The following SLC51B variants were observed in gnomAD, a reference collection of about 807,000 sequenced individuals.
SLC51B encodes the protein SLC51 subunit beta, also known as organic solute transporter subunit beta.
Under a neutral mutation model 8.0 loss-of-function variants are expected in SLC51B, and 6 were observed. The observed-to-expected ratio is 0.75, with a 90% confidence interval of 0.41 to 1.48. The LOEUF (loss-of-function observed/expected upper bound fraction) is 1.48, where lower values mean the gene tolerates loss of function less well. Ranked by LOEUF, SLC51B falls within the 40% of genes most tolerant of loss-of-function variation. The pLI, the probability that SLC51B is intolerant of heterozygous loss-of-function variation, is 0.01. For missense variants in SLC51B, 150 were observed against 149.7 expected, an observed-to-expected ratio of 1.00 and a Z score of -0.01; for synonymous variants, 61 against 54.8, an observed-to-expected ratio of 1.11 and a Z score of -0.50.
At chr15:65,046,620 A>C (rs774588796) in intron 1 of SLC51B, among the ~76,000 whole-genome samples, 2 of 152,158 alleles carry the variant, frequency 1.3e-5, no homozygotes, top group Non-Finnish European at 2.9e-5. Flanking sequence ...AACATATTTT[A>C]AACATATTTT....
At chr15:65,050,879 CTG>C (rs1318343074) in intron 2 of SLC51B, among the ~76,000 whole-genome samples, 3 of 121,956 alleles carry the variant, frequency 2.5e-5, no homozygotes, top group Admixed American at 1.1e-4. Context: ...CAGGGTCACT[CTG>C]TTGCCCAGGC....
At position 65,051,566 on chromosome 15, in the gene SLC51B, T is replaced by C. The variant is rs140434847; in HGVS notation, c.149T>C (p.Ile50Thr). 45 of 1,613,626 alleles carry C rather than the reference T, an allele frequency of 2.8e-5. No individual in the cohort carries two copies. Among genetic ancestry groups the C allele is most frequent in the Non-Finnish European group, 3.7e-5 (44 of 1,179,832 alleles). ...GCCCTGGCAGCTGTGGTGGTCATTA[T>C]AAGCATGGTCCTCCTGGGAAGAAGC... ...ILALAAVVVI[I>T]SMVLLGRSIQ... The change falls in exon 3 of 4, where the codon ATA (isoleucine) becomes ACA (threonine). Residue 50 changes from isoleucine to threonine, a missense_variant. Physicochemically the swap from Ile to Thr is moderately conservative, Grantham distance 89 (BLOSUM62 -1). Transcript: ENST00000334287.
chr15:65,050,073 G>C lies in SLC51B; in HGVS notation c.69G>C (p.Glu23Asp). The C allele has an allele frequency of 1.9e-6, 3 of 1,551,744 alleles. No individual in the cohort carries two copies. The highest frequency in any genetic ancestry group is 2.6e-6 in the Non-Finnish European group (3 of 1,146,964). The change falls in exon 2 of 4, where the codon GAG (glutamate) becomes GAC (aspartate). Residue 23 changes from glutamate to aspartate, a missense_variant. Glu to Asp is a conservative substitution (Grantham distance 45, BLOSUM62 2). Transcript: ENST00000334287. ...GTVVPQELLE[E>D]MLWFFRVEDA... ...TGGTACCCCAGGAGCTGCTGGAAGA[G>C]ATGCTTTGGTTTTTTCGTGTGGAAG...
intron 1 of SLC51B, among the ~76,000 whole-genome samples, chr15:65,048,860 T>G (rs2086609372): frequency 6.6e-6 from 1 of 151,802 alleles, no homozygotes; most frequent in Non-Finnish European, 1.5e-5. Flanking sequence ...AATACAAAAA[T>G]TAGTGGGGCG....
intron 3 of SLC51B, 57 bp downstream of exon 3, chr15:65,051,662 TC>T: frequency 6.5e-7 from 1 of 1,534,312 alleles, no homozygotes; most frequent in Non-Finnish European, 9.0e-7. Flanking sequence ...GGCCCTGCCT[TC>T]CCAGAGGGAA....
At chr15:65,050,271 C>T (rs1290374455) in intron 2 of SLC51B, among the ~76,000 whole-genome samples, 170 bp downstream of exon 2, 1 of 152,192 alleles carries the variant, frequency 6.6e-6, no homozygotes, top group Non-Finnish European at 1.5e-5. Flanking sequence ...GGCTGGACCG[C>T]CCCTTCCTTT....
In SLC51B at chr15:65,051,661, T is replaced by C. The variant is rs2086654877; in HGVS notation, c.188+56T>C. 27 of 1,537,822 alleles carry C rather than the reference T, an allele frequency of 1.8e-5. No individual in the cohort carries two copies. In the South Asian group the frequency reaches 2.7e-4, roughly 15 times the overall value. On this transcript the variant is annotated intron_variant, in intron 3 of 3. Transcript: ENST00000334287. ...GTCTCTGTGGGGTAGAGGCCCTGCCTTCCCAGAGGGAAATCTAGAGAGGGG... is the reference window on the plus strand; with the variant it reads ...GTCTCTGTGGGGTAGAGGCCCTGCCCTCCCAGAGGGAAATCTAGAGAGGGG...
chr15:65,051,561 C>A lies in SLC51B; in HGVS notation c.144C>A (p.Val48=). 1 of 1,613,698 alleles carries A rather than the reference C, an allele frequency of 6.2e-7. No individual in the cohort carries two copies. The highest frequency in any genetic ancestry group is 1.1e-5 in the South Asian group (1 of 91,006). The change falls in exon 3 of 4, where the codon GTC becomes GTA. Residue 48 remains valine, a synonymous_variant. Transcript: ENST00000334287. ...HSILALAAVV[V]IISMVLLGRS... ...TCCTTGCCCTGGCAGCTGTGGTGGT[C>A]ATTATAAGCATGGTCCTCCTGGGAA...
At chr15:65,046,019 G>T (rs183980149) in intron 1 of SLC51B, among the ~76,000 whole-genome samples, 4 of 152,106 alleles carry the variant, frequency 2.6e-5, no homozygotes, top group Non-Finnish European at 5.9e-5. Context: ...TACAAAATTG[G>T]CCGGGTGCGG....
intron 2 of SLC51B, 79 bp from the exon 3 acceptor site, chr15:65,051,436 A>G (rs1406931651): frequency 5.8e-6 from 8 of 1,371,398 alleles, no homozygotes; most frequent in Non-Finnish European, 8.3e-6. Flanking sequence ...GCTGGGTCTG[A>G]GCCCAGGCCC....
chr15:65,050,224 G>A (rs1310023948), intron 2 of SLC51B, 123 bp downstream of exon 2: 7 of 760,302 alleles, frequency 9.2e-6, no homozygotes, highest in Non-Finnish European at 1.5e-5. Flanking sequence ...TCCAAGACAG[G>A]GAATCAGTCG....
intron 1 of SLC51B, among the ~76,000 whole-genome samples, chr15:65,047,349 A>C (rs1010869077): frequency 2.0e-5 from 3 of 152,112 alleles, no homozygotes; most frequent in Non-Finnish European, 4.4e-5. Context: ...AAAAAAAAAA[A>C]CATACATACA....
intron 3 of SLC51B, 59 bp downstream of exon 3, chr15:65,051,664 C>A: frequency 6.5e-7 from 1 of 1,529,102 alleles, no homozygotes; most frequent in East Asian, 2.3e-5. Context: ...CCCTGCCTTC[C>A]CAGAGGGAAA....
chr15:65,050,113 G>T lies in SLC51B; in HGVS notation c.97+12G>T. 6.5e-7 allele frequency: 1 copy of T among 1,549,776 alleles called. No homozygotes were observed. The highest frequency in any genetic ancestry group is 8.7e-7 in the Non-Finnish European group (1 of 1,145,438). On this transcript the variant is annotated intron_variant, in intron 2 of 3. Transcript: ENST00000334287. ...TCGTGTGGAAGATGGTAAGTGGTGA[G>T]AGATTGACGGCAGGGGTGGGGGTGT...
chr15:65,053,316 T>G lies in SLC51B; in HGVS notation c.*152T>G. On this transcript the variant is annotated 3_prime_UTR_variant, in exon 4 of 4. Coordinates refer to ENST00000334287, the MANE Select transcript of SLC51B (RefSeq NM_178859.4). The stretch of plus-strand genomic sequence containing the variant: ...TTTTTTTCTTAGCAGATACAATGAA[T>G]GAACTGCAAGCAAACTAAAATTCTG... 1 of 1,424,222 alleles carries G rather than the reference T, an allele frequency of 7.0e-7. No homozygotes were observed. Among genetic ancestry groups the G allele is most frequent in the Non-Finnish European group, 9.1e-7 (1 of 1,095,524 alleles). 88.2% of individuals were successfully genotyped at this position (1,424,222 alleles called of 1,614,324 possible).
intron 1 of SLC51B, 137 bp from the exon 2 acceptor site, chr15:65,049,760 C>T: frequency 2.5e-6 from 1 of 402,340 alleles, no homozygotes; most frequent in Non-Finnish European, 4.5e-6. Flanking sequence ...CTCTGCCCCT[C>T]CAGGCTCCAC....
chr15:65,046,349 A>T (rs2086577110), intron 1 of SLC51B, among the ~76,000 whole-genome samples: 1 of 152,096 alleles, frequency 6.6e-6, no homozygotes, highest in Non-Finnish European at 1.5e-5. Flanking sequence ...GGATGCCTAT[A>T]ATCACAGCTA....
Position 65,049,946 on chromosome 15 carries a change from G to A in SLC51B, c.-59G>A. ...GGGGCCAGAACCGAGGAGGCCAGGA[G>A]GGCTGCTGGGGCTAAGGGGTCTAAG... On this transcript the variant is annotated 5_prime_UTR_variant, in exon 2 of 4. Coordinates refer to ENST00000334287, the MANE Select transcript of SLC51B (RefSeq NM_178859.4). The A allele has an allele frequency of 3.6e-6, 5 of 1,386,064 alleles. No homozygotes were observed. The highest frequency in any genetic ancestry group is 4.9e-6 in the Non-Finnish European group (5 of 1,010,478). The allele number at this position is 1,386,064 out of a possible 1,614,324, so 85.9% of individuals were successfully genotyped here.
rs1038791104 is a variant in SLC51B, at chr15:65,053,295, T to C, written c.*131T>C. The C allele has an allele frequency of 2.1e-6, 3 of 1,433,238 alleles. No homozygotes were observed. The highest frequency in any genetic ancestry group is 2.7e-6 in the Non-Finnish European group (3 of 1,099,292). The allele number at this position is 1,433,238 out of a possible 1,614,324, so 88.8% of individuals were successfully genotyped here. ...TTCTTTTTCTTTCTTTCTTTTTTTT[T>C]TTCTTAGCAGATACAATGAATGAAC... On this transcript the variant is annotated 3_prime_UTR_variant, in exon 4 of 4. Coordinates refer to ENST00000334287, the MANE Select transcript of SLC51B (RefSeq NM_178859.4).
Sources: allele counts gnomAD v4.1 joint callset (sites outside exome capture counted in the v4.1 genomes callset), GRCh38; gene constraint gnomAD v4.1.1; transcripts MANE v1.5; gene names NCBI Gene and HGNC (gene_info 2026-07-23, HGNC 2026-07-21).